PLPPR5: variants seen among roughly 807,000 people sequenced by gnomAD.
The protein encoded by PLPPR5 is phospholipid phosphatase-related protein type 5.
PLPPR5 carries 16 observed loss-of-function variants against 33.9 expected under a neutral mutation model. The ratio of observed to expected loss-of-function variants is 0.47; its 90% confidence interval spans 0.32 to 0.72. The LOEUF (loss-of-function observed/expected upper bound fraction) is 0.72. Among genes scored for constraint, PLPPR5 ranks in the 30% least tolerant of loss-of-function variants. The pLI, the probability that PLPPR5 is intolerant of heterozygous loss-of-function variation, is 0.03. For synonymous variants in PLPPR5, 163 were observed against 150.3 expected, an observed-to-expected ratio of 1.08 and a Z score of -0.62; for missense variants, 301 against 406.7, an observed-to-expected ratio of 0.74 and a Z score of 2.23.
At chr1:98,965,277 T>A (rs1294120517) in intron 1 of PLPPR5, among the ~76,000 whole-genome samples, 1 of 152,136 alleles carries the variant, frequency 6.6e-6, no homozygotes, top group Admixed American at 6.6e-5. Context: ...ACAGACCTTC[T>A]CAAACTTGAG....
chr1:98,936,833 G>C (rs776517762), intron 3 of PLPPR5, among the ~76,000 whole-genome samples: 21 of 152,194 alleles, frequency 1.4e-4, no homozygotes, highest in Non-Finnish European at 7.3e-5. Flanking sequence ...AGATTTATTA[G>C]AGGACAAGGG....
At chr1:98,921,084 T>A (rs1410495056) in intron 4 of PLPPR5, among the ~76,000 whole-genome samples, 1 of 152,184 alleles carries the variant, frequency 6.6e-6, no homozygotes, top group Non-Finnish European at 1.5e-5. Flanking sequence ...AGAAAAATAC[T>A]TAGAAATGCA....
intron 3 of PLPPR5, among the ~76,000 whole-genome samples, chr1:98,928,190 C>A (rs1649833587): frequency 6.6e-6 from 1 of 151,926 alleles, no homozygotes. Context: ...TTTCAATTTA[C>A]TTGGTTTTAA....
chr1:98,913,917 A>T (rs993939038), intron 5 of PLPPR5, among the ~76,000 whole-genome samples: 17 of 152,310 alleles, frequency 1.1e-4, no homozygotes, highest in Non-Finnish European at 2.2e-4. Context: ...ATGCCTAATG[A>T]GGCCTTGGCC....
intron 3 of PLPPR5, among the ~76,000 whole-genome samples, chr1:98,929,347 G>C (rs1486811694): frequency 6.6e-6 from 1 of 152,178 alleles, no homozygotes; most frequent in Non-Finnish European, 1.5e-5. Context: ...CATGTGTTAG[G>C]AGAAATAATG....
intron 3 of PLPPR5, among the ~76,000 whole-genome samples, chr1:98,946,815 C>T (rs932836174): frequency 2.0e-5 from 3 of 151,842 alleles, no homozygotes; most frequent in Admixed American, 2.0e-4. Flanking sequence ...TTGAAGGACG[C>T]GTGAAAATAT....
At chr1:98,933,556 T>A (rs1308838940) in intron 3 of PLPPR5, among the ~76,000 whole-genome samples, 2 of 149,672 alleles carry the variant, frequency 1.3e-5, no homozygotes, top group Non-Finnish European at 3.0e-5. Context: ...GAGGACCAGA[T>A]GAGATAATGA....
intron 5 of PLPPR5, among the ~76,000 whole-genome samples, chr1:98,894,869 A>G (rs1285867773): frequency 2.0e-5 from 3 of 152,098 alleles, no homozygotes; most frequent in Non-Finnish European, 4.4e-5. Context: ...CTGATGATCA[A>G]TGCAGAGCTT....
chr1:98,918,202 G>C (rs933409958), intron 4 of PLPPR5, among the ~76,000 whole-genome samples: 1 of 152,152 alleles, frequency 6.6e-6, no homozygotes, highest in African/African-American at 2.4e-5. Context: ...AAACTGGTCT[G>C]GATCATAATC....
intron 5 of PLPPR5, among the ~76,000 whole-genome samples, chr1:98,899,817 C>T (rs1471178271): frequency 1.3e-5 from 2 of 152,024 alleles, no homozygotes; most frequent in Non-Finnish European, 2.9e-5. Flanking sequence ...CACCACCACA[C>T]CCAGCTAATT....
intron 1 of PLPPR5, among the ~76,000 whole-genome samples, chr1:99,001,671 GATATATATATATATATATATAT>G (rs55722150): frequency 9.8e-6 from 1 of 102,196 alleles, no homozygotes; most frequent in Non-Finnish European, 1.9e-5. Context: ...GAAAGTTAAA[GATATATATATATATATATATAT>G]ATATATATAT....
At chr1:98,900,916 A>G (rs545372929) in intron 5 of PLPPR5, among the ~76,000 whole-genome samples, 1 of 152,320 alleles carries the variant, frequency 6.6e-6, no homozygotes, top group East Asian at 1.9e-4. Context: ...GACACAGATA[A>G]CTTGAAAAAT....
rs191080020 is a variant in PLPPR5, at chr1:98,982,053, T to G, written c.237+22382A>C. The stretch of plus-strand genomic sequence containing the variant: ...AGTTCCATGTATTGAGTCAAATGTT[T>G]CAACTCTTACTCTATGATTACTGAT... On this transcript the variant is annotated intron_variant, in intron 1 of 5. Transcript: ENST00000263177. 4.1e-4 allele frequency among the ~76,000 whole-genome samples: 63 copies of G among 152,220 alleles called. 1 individual carries two copies. Among genetic ancestry groups the G allele is most frequent in the Non-Finnish European group, 1.5e-5 (1 of 67,990 alleles).
At chr1:98,969,420 G>A (rs1009702967) in intron 1 of PLPPR5, among the ~76,000 whole-genome samples, 22 of 151,940 alleles carry the variant, frequency 1.4e-4, no homozygotes, top group Admixed American at 1.3e-3. Flanking sequence ...CAATGGGAGA[G>A]AAAAAATATG....
At chr1:98,927,278 T>C (rs920506572) in intron 3 of PLPPR5, among the ~76,000 whole-genome samples, 2 of 152,178 alleles carry the variant, frequency 1.3e-5, no homozygotes, top group African/African-American at 4.8e-5. Context: ...TTTCTCACCA[T>C]TCTCTCTTCT....
At chr1:98,910,207 T>C (rs1449849925) in intron 5 of PLPPR5, among the ~76,000 whole-genome samples, 1 of 152,228 alleles carries the variant, frequency 6.6e-6, no homozygotes, top group Admixed American at 6.5e-5. Flanking sequence ...TTGGCCATAC[T>C]TGCAGACCAA....
At chr1:98,895,979 C>T (rs72728585) in intron 5 of PLPPR5, among the ~76,000 whole-genome samples, 4 of 151,478 alleles carry the variant, frequency 2.6e-5, no homozygotes, top group Non-Finnish European at 2.9e-5. Flanking sequence ...AGCTAATGAA[C>T]CTATATCATA....
intron 1 of PLPPR5, among the ~76,000 whole-genome samples, chr1:98,974,993 C>T (rs1184515324): frequency 6.6e-6 from 1 of 152,014 alleles, no homozygotes; most frequent in Non-Finnish European, 1.5e-5. Context: ...TTTCTTAACA[C>T]CCATCTGCTC....
intron 1 of PLPPR5, among the ~76,000 whole-genome samples, chr1:98,975,559 G>A (rs1391019468): frequency 6.6e-6 from 1 of 152,014 alleles, no homozygotes; most frequent in Non-Finnish European, 1.5e-5. Context: ...ATGTTATTTG[G>A]AGATTGCAAA....
Sources: gnomAD v4.1 joint callset for allele counts (sites outside exome capture counted in the v4.1 genomes callset) on GRCh38, gnomAD v4.1.1 for gene constraint, MANE v1.5 for transcripts, NCBI Gene and HGNC (gene_info 2026-07-23, HGNC 2026-07-21) for gene names.